BCR: variants seen among roughly 807,000 people sequenced by gnomAD.
BCR encodes the protein breakpoint cluster region protein.
In BCR, 58 loss-of-function variants were observed where a neutral mutation model predicts 138.6. The observed-to-expected ratio is 0.42, with a 90% CI of 0.34 to 0.52. The LOEUF is 0.52. Ranked by LOEUF, BCR falls within the 20% of genes least tolerant of loss-of-function variation. BCR has a pLI of 0.06. For synonymous variants in BCR, 786 were observed against 730.1 expected (o/e 1.08, Z -1.23); for missense variants, 1,599 against 1,727.2 (o/e 0.93, Z 1.32).
intron 1 of BCR, chr22:23,242,724 C>G (rs2073107472): frequency 5.8e-6 from 2 of 343,260 alleles, no homozygotes; most frequent in Non-Finnish European, 1.2e-5. Flanking sequence ...CTCCATGGCA[C>G]CGAGTTCAGG....
chr22:23,235,946 TG>T (rs1306846984), intron 1 of BCR, among the ~76,000 whole-genome samples: 1 of 152,202 alleles, frequency 6.6e-6, no homozygotes, highest in African/African-American at 2.4e-5. Flanking sequence ...ACCATCACAT[TG>T]GGGGTTAGAT....
chr22:23,300,581 G>A (rs1164386421), intron 16 of BCR, among the ~76,000 whole-genome samples: 2 of 152,180 alleles, frequency 1.3e-5, no homozygotes, highest in Admixed American at 1.3e-4. Context: ...GGCTCTCGGG[G>A]GGAACAGCTG....
intron 1 of BCR, among the ~76,000 whole-genome samples, chr22:23,203,691 T>C (rs1323045650): frequency 6.6e-6 from 1 of 152,204 alleles, no homozygotes; most frequent in Non-Finnish European, 1.5e-5. Context: ...TGGTTCTTGG[T>C]AGGGAAAGAA....
At chr22:23,185,460 T>TG (rs969105518) in intron 1 of BCR, among the ~76,000 whole-genome samples, 1 of 152,024 alleles carries the variant, frequency 6.6e-6, no homozygotes, top group Non-Finnish European at 1.5e-5. Context: ...GGGCAGGAGA[T>TG]GGAGACCATC....
chr22:23,301,606 AC>A (rs2073903025), intron 16 of BCR, among the ~76,000 whole-genome samples: 1 of 152,190 alleles, frequency 6.6e-6, no homozygotes, highest in African/African-American at 2.4e-5. Flanking sequence ...CTGTCCCGTG[AC>A]CTCACTTCCC....
intron 1 of BCR, 46 bp from the exon 2 acceptor site, chr22:23,253,753 G>T (rs747217069): frequency 1.3e-6 from 2 of 1,568,834 alleles, no homozygotes; most frequent in Admixed American, 1.7e-5. Flanking sequence ...GAGTATGGAT[G>T]CTCCCTTCTC....
chr22:23,255,445 C>A (rs1260461993), intron 2 of BCR, among the ~76,000 whole-genome samples: 1 of 152,220 alleles, frequency 6.6e-6, no homozygotes, highest in East Asian at 1.9e-4. Context: ...GGCACACTTT[C>A]CCTCCCTCAA....
chr22:23,296,732 A>AG (rs1462127615), intron 16 of BCR, among the ~76,000 whole-genome samples: 1 of 152,252 alleles, frequency 6.6e-6, no homozygotes, highest in Non-Finnish European at 1.5e-5. Context: ...GCTTGAGCCC[A>AG]GCTATTCAAG....
At position 23,273,718 on chromosome 22, in the gene BCR, A is replaced by G; in HGVS notation, c.2059A>G (p.Ser687Gly). ...ALRISQNFLS[S>G]INEEITPRRQ... is the part of the protein sequence containing the mutation. ...CCGCATCTCACAGAACTTCCTGTCC[A>G]GCATCAATGAGGAGATCACACCCCG... is the stretch of plus-strand genomic sequence containing the variant. Residue 687 changes from serine (S) to glycine (G), a missense_variant, in exon 8 of 23, where the codon AGC becomes GGC. By Grantham distance (56) the Ser-to-Gly change is moderately conservative (BLOSUM62 0). Transcript: ENST00000305877. The G allele has an allele frequency of 6.2e-7, 1 of 1,614,160 alleles. No homozygotes were observed. The highest frequency in any genetic ancestry group is 8.5e-7 in the Non-Finnish European group (1 of 1,180,040).
chr22:23,290,330 C>T lies in BCR; in HGVS notation c.2708-9C>T, dbSNP rs914938587. The stretch of plus-strand genomic sequence containing the variant: ...CAACAGAAGCTGACCTCTTTGATCT[C>T]TTGCGCAGATGATGAGTCTCCGGGG... On this transcript the variant is annotated splice_polypyrimidine_tract_variant and intron_variant, in intron 13 of 22. Coordinates refer to ENST00000305877, the MANE Select transcript of BCR (RefSeq NM_004327.4). 2 of 1,613,688 alleles carry T rather than the reference C, an allele frequency of 1.2e-6. No homozygotes were observed. The highest frequency in any genetic ancestry group is 8.5e-7 in the Non-Finnish European group (1 of 1,179,608).
intron 1 of BCR, among the ~76,000 whole-genome samples, chr22:23,201,948 T>C (rs1342255926): frequency 6.6e-6 from 1 of 152,202 alleles, no homozygotes; most frequent in African/African-American, 2.4e-5. Flanking sequence ...TTGCCAACTT[T>C]TGAGATAATT....
chr22:23,294,904 A>G (rs1487888391), intron 15 of BCR, 120 bp from the exon 16 acceptor site: 8 of 1,281,418 alleles, frequency 6.2e-6, no homozygotes, highest in Non-Finnish European at 7.6e-6. Flanking sequence ...GGAGGGTCTC[A>G]GGCATTGGTC....
At chr22:23,231,735 C>A (rs935702844) in intron 1 of BCR, among the ~76,000 whole-genome samples, 6 of 152,164 alleles carry the variant, frequency 3.9e-5, no homozygotes, top group African/African-American at 1.4e-4. Context: ...TACTTGGGCA[C>A]CATCTGGCCA....
intron 4 of BCR, chr22:23,263,274 G>A (rs1030769553): frequency 4.0e-5 from 45 of 1,119,404 alleles, no homozygotes; most frequent in Admixed American, 3.8e-4. Flanking sequence ...GCGGGCCCTC[G>A]GCCGCCTGGC....
chr22:23,260,966 A>G lies in BCR; in HGVS notation c.1478A>G (p.Glu493Gly). 6.2e-7 allele frequency: 1 copy of G among 1,613,856 alleles called. No homozygotes were observed. The highest frequency in any genetic ancestry group is 1.3e-5 in the African/African-American group (1 of 75,028). Residue 493 changes from glutamate (E) to glycine (G), a missense_variant, in exon 3 of 23, where the codon GAA (glutamate) becomes GGA (glycine). Transcript: ENST00000305877. The stretch of plus-strand genomic sequence containing the variant: ...CTCCTGCAGAGTGAGCTGGACTTGG[A>G]AAAGGGCTTGGAGATGAGAAAATGG... Reference protein sequence around the residue: ...ESTKASELDLEKGLEMRKWVL... With the variant: ...ESTKASELDLGKGLEMRKWVL...
chr22:23,211,202 G>A (rs1026121241), intron 1 of BCR, among the ~76,000 whole-genome samples: 2 of 152,016 alleles, frequency 1.3e-5, no homozygotes, highest in Non-Finnish European at 2.9e-5. Context: ...TTTTTTATTT[G>A]TTTGTTTTTT....
intron 4 of BCR, chr22:23,262,769 AG>A (rs1466739386): frequency 2.1e-6 from 2 of 938,722 alleles, no homozygotes; most frequent in Non-Finnish European, 2.5e-6. Flanking sequence ...GAGGGTGACG[AG>A]GGGGAAGCGA....
intron 17 of BCR, chr22:23,309,973 G>A (rs2330375): frequency 5.2e-6 from 2 of 387,468 alleles, no homozygotes; most frequent in South Asian, 2.4e-5. Context: ...TGCACCTATA[G>A]TCTCAGCTAC....
chr22:23,278,616 A>G (rs1040077724), intron 8 of BCR, among the ~76,000 whole-genome samples: 12 of 152,116 alleles, frequency 7.9e-5, no homozygotes, highest in African/African-American at 2.4e-4. Context: ...AATCCCAGCT[A>G]CTCCGGAGGC....
Sources: gnomAD v4.1 joint callset for allele counts (sites outside exome capture counted in the v4.1 genomes callset) on GRCh38, gnomAD v4.1.1 for gene constraint, MANE v1.5 for transcripts, NCBI Gene and HGNC (gene_info 2026-07-23, HGNC 2026-07-21) for gene names.